Variants in COG5 observed in about 807,000 individuals in gnomAD.
The protein encoded by COG5 is component of oligomeric golgi complex 5.
Under a neutral mutation model 110.4 loss-of-function variants are expected in COG5, and 86 were observed. The observed-to-expected ratio is 0.78, with a 90% CI of 0.65 to 0.93. The LOEUF is 0.93. Among genes scored for constraint, COG5 ranks in the 40% least tolerant of loss-of-function variants. COG5 has a pLI of 0.00. For synonymous variants in COG5, 360 were observed against 334.6 expected (o/e 1.08, Z -0.83); for missense variants, 1,077 against 987.0 (o/e 1.09, Z -1.22).
chr7:107,387,816 CGTGA>C (rs1362341067), intron 7 of COG5, among the ~76,000 whole-genome samples: 1 of 152,236 alleles, frequency 6.6e-6, no homozygotes, highest in African/African-American at 2.4e-5. Context: ...CCATAAATAT[CGTGA>C]GTGACTCAGC....
At chr7:107,217,940 A>G (rs1799641073) in intron 19 of COG5, among the ~76,000 whole-genome samples, 1 of 152,090 alleles carries the variant, frequency 6.6e-6, no homozygotes, top group African/African-American at 2.4e-5. Context: ...CTGCTTGCAT[A>G]TGACATTATC....
chr7:107,287,564 T>C (rs902519059), intron 12 of COG5, among the ~76,000 whole-genome samples: 3 of 152,228 alleles, frequency 2.0e-5, no homozygotes, highest in Non-Finnish European at 4.4e-5. Context: ...ATCTGTGCTA[T>C]CATCACCACA....
intron 6 of COG5, among the ~76,000 whole-genome samples, chr7:107,506,706 T>C (rs1238074770): frequency 2.0e-5 from 3 of 152,190 alleles, no homozygotes; most frequent in East Asian, 3.9e-4. Flanking sequence ...CCAAGCCATA[T>C]GCCTTCCCTG....
chr7:107,303,792 AT>A (rs1807480782), intron 11 of COG5, among the ~76,000 whole-genome samples: 1 of 152,128 alleles, frequency 6.6e-6, no homozygotes, highest in African/African-American at 2.4e-5. Flanking sequence ...AAGTGTTCAT[AT>A]TACCTATACA....
chr7:107,294,851 G>T (rs1806479051), intron 12 of COG5, among the ~76,000 whole-genome samples: 1 of 135,996 alleles, frequency 7.4e-6, no homozygotes, highest in African/African-American at 2.7e-5. Context: ...GAGTAGCTGG[G>T]ATTATAGGCA....
At chr7:107,204,335 G>A (rs180749649) in intron 21 of COG5, among the ~76,000 whole-genome samples, 2 of 152,118 alleles carry the variant, frequency 1.3e-5, no homozygotes, top group African/African-American at 2.4e-5. Flanking sequence ...TTGAATAGTT[G>A]AGGCAGAGAC....
chr7:107,410,088 T>C (rs1286787200), intron 7 of COG5, among the ~76,000 whole-genome samples: 1 of 152,202 alleles, frequency 6.6e-6, no homozygotes, highest in Non-Finnish European at 1.5e-5. Context: ...GGGATAAATG[T>C]TGCATGGTCC....
At chr7:107,267,246 T>C (rs897621883) in intron 14 of COG5, among the ~76,000 whole-genome samples, 2 of 152,178 alleles carry the variant, frequency 1.3e-5, no homozygotes, top group African/African-American at 2.4e-5. Flanking sequence ...AGATTACCCA[T>C]GCTCCTGTCA....
intron 17 of COG5, among the ~76,000 whole-genome samples, chr7:107,238,137 A>C (rs1389045222): frequency 6.6e-6 from 1 of 152,110 alleles, no homozygotes; most frequent in Admixed American, 6.5e-5. Flanking sequence ...GTACCCTTTG[A>C]CCAACATCTC....
intron 10 of COG5, among the ~76,000 whole-genome samples, chr7:107,331,224 C>T (rs560367558): frequency 1.7e-4 from 26 of 152,074 alleles, no homozygotes; most frequent in African/African-American, 5.5e-4. Context: ...GCCTGTAATC[C>T]CAGCACTTTG....
intron 19 of COG5, among the ~76,000 whole-genome samples, chr7:107,217,875 G>A (rs1419553393): frequency 1.3e-5 from 2 of 151,910 alleles, no homozygotes; most frequent in Non-Finnish European, 2.9e-5. Flanking sequence ...GAGCAATTAG[G>A]CAAGAGAAAG....
At chr7:107,540,959 T>C (rs1055641179) in intron 5 of COG5, among the ~76,000 whole-genome samples, 1 of 152,076 alleles carries the variant, frequency 6.6e-6, no homozygotes, top group South Asian at 2.1e-4. Context: ...AAGACCAGCC[T>C]GGCCAATATG....
In COG5 at chr7:107,381,789, T is replaced by C. The variant is rs112119253; in HGVS notation, c.670-9029A>G. 7.3e-3 allele frequency among the ~76,000 whole-genome samples: 1,109 copies of C among 152,298 alleles called. 16 individuals are homozygous for C. Among genetic ancestry groups the C allele is most frequent in the African/African-American group, 0.025 (1,058 of 41,570 alleles). On this transcript the variant is annotated intron_variant, in intron 7 of 21. Transcript: ENST00000297135. ...CTGAAGCAAACTTTTTGACTTTTGG[T>C]TGGAATATTGCTGACCTTTGTTTTG...
chr7:107,283,437 A>G, intron 13 of COG5, 134 bp downstream of exon 13: 4 of 723,780 alleles, frequency 5.5e-6, no homozygotes, highest in Non-Finnish European at 9.0e-6. Flanking sequence ...CTCATTTACT[A>G]TAAAATTCTT....
intron 12 of COG5, among the ~76,000 whole-genome samples, chr7:107,295,060 C>CATATAT (rs1806582469): frequency 1.8e-5 from 1 of 56,388 alleles, no homozygotes; most frequent in African/African-American, 1.3e-4. Context: ...CACACACACA[C>CATATAT]ACACACATAT....
At chr7:107,224,356 C>T (rs1048627831) in intron 19 of COG5, among the ~76,000 whole-genome samples, 1 of 152,200 alleles carries the variant, frequency 6.6e-6, no homozygotes, top group Non-Finnish European at 1.5e-5. Flanking sequence ...TAATTAAAAA[C>T]AATTGACAGG....
chr7:107,246,203 C>G (rs1802043837), intron 17 of COG5, among the ~76,000 whole-genome samples: 1 of 152,124 alleles, frequency 6.6e-6, no homozygotes, highest in Admixed American at 6.5e-5. Context: ...ACACCATACA[C>G]AAAAATCAAC....
chr7:107,289,768 C>T (rs1806007850), intron 12 of COG5, among the ~76,000 whole-genome samples: 1 of 152,088 alleles, frequency 6.6e-6, no homozygotes, highest in African/African-American at 2.4e-5. Context: ...ATACATATTA[C>T]ATCTGTTAAT....
At chr7:107,555,191 A>T (rs1294825853) in intron 2 of COG5, among the ~76,000 whole-genome samples, 1 of 152,176 alleles carries the variant, frequency 6.6e-6, no homozygotes, top group East Asian at 1.9e-4. Flanking sequence ...TGATACTTTT[A>T]TGAAAATTAG....
Sources: allele counts gnomAD v4.1 joint callset (sites outside exome capture counted in the v4.1 genomes callset), GRCh38; gene constraint gnomAD v4.1.1; transcripts MANE v1.5; gene names NCBI Gene and HGNC (gene_info 2026-07-23, HGNC 2026-07-21).